The following MICAL3 variants were observed in gnomAD, a reference collection of about 807,000 sequenced individuals.
The protein encoded by MICAL3 is microtubule associated monooxygenase, calponin and LIM domain containing 3.
Under a neutral mutation model 207.4 loss-of-function variants are expected in MICAL3, and 62 were observed. The ratio of observed to expected loss-of-function variants is 0.30; its 90% CI spans 0.24 to 0.37. The LOEUF (loss-of-function observed/expected upper bound fraction) is 0.37, where lower values mean the gene tolerates loss of function less well. MICAL3 is among the 10% of genes least tolerant of loss of function. MICAL3 has a pLI of 1.00. For missense variants in MICAL3, 2,368 were observed against 2,635.6 expected, an observed-to-expected ratio of 0.90 and a Z score of 2.22; for synonymous variants, 1,077 against 1,069.3, an observed-to-expected ratio of 1.01 and a Z score of -0.14.
chr22:17,812,261 G>A (rs1247237268), intron 27 of MICAL3, among the ~76,000 whole-genome samples: 1 of 152,238 alleles, frequency 6.6e-6, no homozygotes, highest in African/African-American at 2.4e-5. Context: ...AGCGGCAGCT[G>A]TGTCCCGACC....
At chr22:17,812,596 T>C (rs1473727869) in intron 27 of MICAL3, 19 of 880,102 alleles carry the variant, frequency 2.2e-5, no homozygotes, top group Non-Finnish European at 2.3e-5. Flanking sequence ...AACAGAATAG[T>C]AATAATAATA....
At chr22:18,016,931 C>G (rs535737838) in intron 1 of MICAL3, among the ~76,000 whole-genome samples, 1 of 146,748 alleles carries the variant, frequency 6.8e-6, no homozygotes, top group Admixed American at 7.0e-5. Context: ...CAGAGCCAGA[C>G]TCTGTCTCAA....
In MICAL3 at chr22:17,944,010, C is replaced by T. The variant is rs533147973; in HGVS notation, c.-74-37124G>A. On this transcript the variant is annotated intron_variant, in intron 1 of 31. Coordinates refer to ENST00000441493, the MANE Select transcript of MICAL3 (RefSeq NM_015241.3). ...CTCCTGCCCCTCTCCACCTCCCACC[C>T]CTGCCAACACTGACAGTGGAAGCCT... 9.8e-5 allele frequency among the ~76,000 whole-genome samples: 15 copies of T among 152,328 alleles called. No homozygotes were observed. In the East Asian group the frequency reaches 2.7e-3, roughly 27 times the overall value.
At chr22:17,941,525 C>T (rs1237587041) in intron 1 of MICAL3, among the ~76,000 whole-genome samples, 2 of 152,280 alleles carry the variant, frequency 1.3e-5, no homozygotes, top group Non-Finnish European at 2.9e-5. Flanking sequence ...AGTCAAAAGA[C>T]GGAAAGTAGA....
chr22:18,012,512 T>C (rs537701410), intron 1 of MICAL3, among the ~76,000 whole-genome samples: 22 of 152,300 alleles, frequency 1.4e-4, no homozygotes, highest in Admixed American at 2.0e-4. Flanking sequence ...CATCATCTAA[T>C]TGGGCTTCTT....
chr22:17,816,554 G>A, intron 27 of MICAL3, 136 bp downstream of exon 27: 1 of 712,196 alleles, frequency 1.4e-6, no homozygotes, highest in Non-Finnish European at 2.4e-6. Context: ...GGCTGGGTCA[G>A]CAGTCAGCTG....
intron 22 of MICAL3, among the ~76,000 whole-genome samples, chr22:17,827,082 CCTT>C (rs1004851580): frequency 6.6e-6 from 1 of 152,144 alleles, no homozygotes; most frequent in Non-Finnish European, 1.5e-5. Context: ...TCTCCACGGT[CCTT>C]CTCTTATTGC....
At chr22:17,820,860 T>C (rs1159924009) in intron 25 of MICAL3, among the ~76,000 whole-genome samples, 1 of 127,122 alleles carries the variant, frequency 7.9e-6, no homozygotes, top group Non-Finnish European at 1.7e-5. Context: ...AAATTTGTTC[T>C]AATAAATTTT....
chr22:17,827,415 T>G (rs967111899), intron 22 of MICAL3, among the ~76,000 whole-genome samples: 1 of 152,212 alleles, frequency 6.6e-6, no homozygotes, highest in Non-Finnish European at 1.5e-5. Flanking sequence ...TTTACCATTT[T>G]GCATCAATGG....
At chr22:17,954,737 TTCAAG>T (rs2146367821) in intron 1 of MICAL3, among the ~76,000 whole-genome samples, 1 of 150,054 alleles carries the variant, frequency 6.7e-6, no homozygotes, top group South Asian at 2.1e-4. Flanking sequence ...ACAAACTGGA[TTCAAG>T]TCTTTTCCTT....
At chr22:17,937,647 G>A (rs1339779075) in intron 1 of MICAL3, among the ~76,000 whole-genome samples, 2 of 152,214 alleles carry the variant, frequency 1.3e-5, no homozygotes, top group East Asian at 3.8e-4. Flanking sequence ...TGGGAAAGAA[G>A]AGTGAAACTC....
intron 1 of MICAL3, among the ~76,000 whole-genome samples, chr22:17,940,309 G>A (rs1272283765): frequency 6.6e-6 from 1 of 152,218 alleles, no homozygotes; most frequent in Non-Finnish European, 1.5e-5. Context: ...GGGGGCTGAG[G>A]TGGGAGGATT....
At chr22:17,798,727 G>A (rs1034019598) in intron 29 of MICAL3, among the ~76,000 whole-genome samples, 5 of 145,234 alleles carry the variant, frequency 3.4e-5, no homozygotes, top group Admixed American at 6.9e-5. Flanking sequence ...AGGCTGGAGT[G>A]CAGTGGCGCG....
At chr22:17,820,906 A>G (rs1179258057) in intron 25 of MICAL3, among the ~76,000 whole-genome samples, 165 of 146,202 alleles carry the variant, frequency 1.1e-3, no homozygotes, top group Non-Finnish European at 1.7e-3. Flanking sequence ...ATTTTAATAA[A>G]TTTATATTTA....
intron 1 of MICAL3, among the ~76,000 whole-genome samples, chr22:17,972,059 T>C (rs537866695): frequency 4.5e-4 from 69 of 152,354 alleles, no homozygotes; most frequent in African/African-American, 1.6e-3. Context: ...TCTTTCATTG[T>C]TCCCAAGCCC....
chr22:17,838,121 C>A (rs760060929), intron 20 of MICAL3, among the ~76,000 whole-genome samples: 6 of 152,192 alleles, frequency 3.9e-5, no homozygotes, highest in Non-Finnish European at 5.9e-5. Context: ...ATATTTTTAG[C>A]CAAGCATCCC....
In MICAL3 at chr22:17,939,492, C is replaced by T. The variant is rs149904655; in HGVS notation, c.-74-32606G>A. Among the ~76,000 whole-genome samples, 992 of 152,294 alleles carry T rather than the reference C, an allele frequency of 6.5e-3. 10 individuals are homozygous for T. The highest frequency in any genetic ancestry group is 0.023 in the African/African-American group (960 of 41,558). On this transcript the variant is annotated intron_variant, in intron 1 of 31. Transcript: ENST00000441493. ...AGTAGCAGCCACGTATCCCTGCCAT[C>T]CCCCTAGGAGGCCAAACTCCAGAGG...
chr22:17,918,876 A>C (rs1932706808), intron 1 of MICAL3, among the ~76,000 whole-genome samples: 1 of 152,192 alleles, frequency 6.6e-6, no homozygotes, highest in Non-Finnish European at 1.5e-5. Flanking sequence ...CTCCAGAAAT[A>C]ACAGCAGTGA....
At chr22:17,877,389 G>GC (rs1928832930) in intron 16 of MICAL3, among the ~76,000 whole-genome samples, 1 of 112,786 alleles carries the variant, frequency 8.9e-6, no homozygotes, top group Admixed American at 8.5e-5. Context: ...GGAGGTTATG[G>GC]AGGTTAGGGA....
Sources: allele counts gnomAD v4.1 joint callset (sites outside exome capture counted in the v4.1 genomes callset), GRCh38; gene constraint gnomAD v4.1.1; transcripts MANE v1.5; gene names NCBI Gene and HGNC (gene_info 2026-07-23, HGNC 2026-07-21).